The following DDX60L variants were observed in gnomAD, a reference collection of about 807,000 sequenced individuals.
DDX60L encodes probable ATP-dependent RNA helicase DDX60-like.
DDX60L carries 191 observed loss-of-function variants against 211.6 expected under a neutral mutation model. The ratio of observed to expected loss-of-function variants is 0.90; its 90% CI spans 0.80 to 1.02. DDX60L has a LOEUF of 1.02. Among genes scored for constraint, DDX60L ranks in the 50% least tolerant of loss-of-function variants. The pLI is 0.00. For missense variants in DDX60L, 2,007 were observed against 1,984.1 expected (o/e 1.01, Z -0.22); for synonymous variants, 706 against 694.1 (o/e 1.02, Z -0.27).
chr4:168,440,975 T>C (rs1187500112), intron 10 of DDX60L, among the ~76,000 whole-genome samples: 1 of 152,028 alleles, frequency 6.6e-6, no homozygotes, highest in Non-Finnish European at 1.5e-5. Context: ...CCAATGAAGT[T>C]CAAAGCAGAC....
Position 168,461,730 on chromosome 4 carries a change from C to T in DDX60L, c.575G>A (p.Ser192Asn), listed in dbSNP as rs751901953. 2 of 1,577,514 alleles carry T rather than the reference C, an allele frequency of 1.3e-6. No individual in the cohort carries two copies. Among genetic ancestry groups the T allele is most frequent in the South Asian group, 1.2e-5 (1 of 85,802 alleles). Residue 192 changes from serine (S) to asparagine (N), a missense_variant, in exon 5 of 38, where the codon AGC becomes AAC. Physicochemically the swap from Ser to Asn is conservative, Grantham distance 46. Transcript: ENST00000682922. ...TLRFYAYTME[S>N]TDRNQTFSKE... Reference sequence around the variant, plus strand: ...GGAAAAAGTTTGGTTTCTGTCTGTGCTTTCCATAGTATATGCATAAAATCT... The same window carrying T: ...GGAAAAAGTTTGGTTTCTGTCTGTGTTTTCCATAGTATATGCATAAAATCT...
intron 28 of DDX60L, among the ~76,000 whole-genome samples, chr4:168,393,333 T>C (rs1398150740): frequency 6.6e-6 from 1 of 151,914 alleles, no homozygotes; most frequent in Non-Finnish European, 1.5e-5. Context: ...CTGTCTCTAC[T>C]AAAAATACAA....
intron 1 of DDX60L, among the ~76,000 whole-genome samples, chr4:168,477,201 G>A (rs201456789): frequency 6.6e-6 from 1 of 152,074 alleles, no homozygotes; most frequent in Admixed American, 6.6e-5. Context: ...GGATCACAAG[G>A]TCAGGAGATC....
At position 168,378,410 on chromosome 4, in the gene DDX60L, T is replaced by C. The variant is rs1241258149; in HGVS notation, c.4429A>G (p.Arg1477Gly). Reference sequence around the variant, plus strand: ...TGGAATTTTGCTGGAATATATTTTCTTCCAAACAAATTTGCCAATACTAAC... The same window carrying C: ...TGGAATTTTGCTGGAATATATTTTCCTCCAAACAAATTTGCCAATACTAAC... ...LVLVLANLFG[R>G]KYIPAKFQNA... Residue 1477 changes from arginine to glycine, a missense_variant, in exon 33 of 38, where the codon AGA becomes GGA. By Grantham distance (125) the Arg-to-Gly change is moderately radical. Coordinates refer to ENST00000682922, the MANE Select transcript of DDX60L (RefSeq NM_001012967.3). 3.9e-6 allele frequency: 6 copies of C among 1,551,898 alleles called. No homozygotes were observed. The highest frequency in any genetic ancestry group is 5.3e-6 in the Non-Finnish European group (6 of 1,139,530).
chr4:168,378,585 T>A, intron 32 of DDX60L, 110 bp from the exon 33 acceptor site: 1 of 727,912 alleles, frequency 1.4e-6, no homozygotes, highest in Non-Finnish European at 2.2e-6. Context: ...CAAAATTTTC[T>A]AGCAAATATA....
intron 29 of DDX60L, chr4:168,390,112 T>C (rs1173451617): frequency 1.9e-5 from 19 of 983,800 alleles, no homozygotes; most frequent in Non-Finnish European, 1.8e-5. Context: ...ACAGAGAAAG[T>C]ATATTTTATT....
intron 17 of DDX60L, among the ~76,000 whole-genome samples, chr4:168,421,102 T>C (rs141599638): frequency 6.6e-6 from 1 of 151,948 alleles, no homozygotes; most frequent in East Asian, 1.9e-4. Context: ...TGAAACAATA[T>C]TAATTAAAAG....
intron 29 of DDX60L, among the ~76,000 whole-genome samples, chr4:168,386,551 A>C (rs1743901812): frequency 1.3e-5 from 2 of 150,764 alleles, no homozygotes; most frequent in African/African-American, 2.4e-5. Flanking sequence ...TTTAAAGATA[A>C]AGAAGGACTT....
intron 16 of DDX60L, 81 bp from the exon 17 acceptor site, chr4:168,421,990 T>G: frequency 6.4e-7 from 1 of 1,564,604 alleles, no homozygotes. Context: ...TTGTACCTTC[T>G]GTCTCCTGTG....
intron 9 of DDX60L, among the ~76,000 whole-genome samples, chr4:168,448,284 T>C (rs941896898): frequency 2.6e-5 from 4 of 152,206 alleles, no homozygotes; most frequent in African/African-American, 9.6e-5. Context: ...AAATTATGTA[T>C]GTACCAAAAT....
chr4:168,454,418 T>C (rs1489745407), intron 7 of DDX60L, among the ~76,000 whole-genome samples: 3 of 152,152 alleles, frequency 2.0e-5, no homozygotes, highest in Non-Finnish European at 4.4e-5. Flanking sequence ...AGTTCTCCTA[T>C]ATGTATAAAA....
At chr4:168,459,152 AT>A (rs918171348) in intron 5 of DDX60L, among the ~76,000 whole-genome samples, 6 of 152,110 alleles carry the variant, frequency 3.9e-5, no homozygotes, top group African/African-American at 1.4e-4. Flanking sequence ...TAGATAATGA[AT>A]TAGAAAATAA....
chr4:168,451,362 C>T (rs1755776509), intron 8 of DDX60L, among the ~76,000 whole-genome samples: 2 of 152,226 alleles, frequency 1.3e-5, no homozygotes, highest in East Asian at 1.9e-4. Flanking sequence ...ATTTCCCAAA[C>T]TCATTGTTTT....
Position 168,358,287 on chromosome 4 carries a change from G to A in DDX60L, c.4992-11C>T, listed in dbSNP as rs11727892. The A allele has an allele frequency of 0.021, 31,187 of 1,465,864 alleles. 383 individuals carry two copies. The highest frequency in any genetic ancestry group is 0.025 in the Non-Finnish European group (28,093 of 1,107,064). The allele number at this position is 1,465,864 out of a possible 1,614,324, so 90.8% of individuals were successfully genotyped here. On this transcript the variant is annotated splice_polypyrimidine_tract_variant and intron_variant, in intron 37 of 37. Transcript: ENST00000682922. ...TCACTCAAGGAGTCACTGTATAAAT[G>A]ATAATAATAATAAAAAAATAATGAG... is the stretch of plus-strand genomic sequence containing the variant.
rs1758977278 is a variant in DDX60L, at chr4:168,472,796, T to C, written c.-97A>G. On this transcript the variant is annotated 5_prime_UTR_variant, in exon 2 of 38. Transcript: ENST00000682922. ...ACACCTCTAAAATGGCTACATTTGA[T>C]GTGAATGGCACCTCTGTAATAAAAG... 6 of 1,333,190 alleles carry C rather than the reference T, an allele frequency of 4.5e-6. No individual in the cohort carries two copies. The South Asian group carries it at 6.2e-5, about 14-fold the overall frequency. 82.6% of individuals were successfully genotyped at this position (1,333,190 alleles called of 1,614,324 possible). A position where few individuals can be genotyped will look rare whatever the true frequency, so the allele number is the denominator to read the frequency against.
chr4:168,432,616 AT>A, intron 11 of DDX60L, 46 bp from the exon 12 acceptor site: 2 of 1,168,724 alleles, frequency 1.7e-6, no homozygotes, highest in Non-Finnish European at 2.4e-6. Context: ...AGCTTTTCAA[AT>A]TTTAGCACAA....
chr4:168,432,798 A>C (rs1379040955), intron 11 of DDX60L, among the ~76,000 whole-genome samples: 1 of 151,328 alleles, frequency 6.6e-6, no homozygotes, highest in Non-Finnish European at 1.5e-5. Context: ...TAATTTTATT[A>C]TACGTTCAAA....
chr4:168,441,983 A>T (rs1422162405), intron 9 of DDX60L, among the ~76,000 whole-genome samples: 1 of 152,190 alleles, frequency 6.6e-6, no homozygotes, highest in Non-Finnish European at 1.5e-5. Context: ...AAGAGTTTAC[A>T]GAATATGGGG....
At chr4:168,456,235 TAAAG>T in intron 6 of DDX60L, 83 bp from the exon 7 acceptor site, 1 of 752,956 alleles carries the variant, frequency 1.3e-6, no homozygotes, top group Non-Finnish European at 2.0e-6. Context: ...GTAAGAAACA[TAAAG>T]AAAACGATTG....
Sources: gnomAD v4.1 joint callset for allele counts (sites outside exome capture counted in the v4.1 genomes callset) on GRCh38, gnomAD v4.1.1 for gene constraint, MANE v1.5 for transcripts, NCBI Gene and HGNC (gene_info 2026-07-23, HGNC 2026-07-21) for gene names.